Variants in CNTNAP2 observed in about 807,000 individuals in gnomAD.
The protein encoded by CNTNAP2 is contactin associated protein 2.
Under a neutral mutation model 155.2 loss-of-function variants are expected in CNTNAP2, and 98 were observed. The observed-to-expected ratio is 0.63, with a 90% CI of 0.54 to 0.75. The LOEUF (loss-of-function observed/expected upper bound fraction) is 0.75, where lower values mean the gene tolerates loss of function less well. CNTNAP2 is among the 30% of genes least tolerant of loss of function. The probability of loss-of-function intolerance (pLI) is 0.00; values close to 1 mark genes in which losing one functional copy is unlikely to be tolerated. For synonymous variants in CNTNAP2, 651 were observed against 631.2 expected (o/e 1.03, Z -0.47); for missense variants, 1,727 against 1,688.1 (o/e 1.02, Z -0.40).
rs566120896 is a variant in CNTNAP2, at chr7:147,265,403, T to C, written c.1349-34738T>C. On this transcript the variant is annotated intron_variant, in intron 8 of 23. Coordinates refer to ENST00000361727, the MANE Select transcript of CNTNAP2 (RefSeq NM_014141.6). Reference sequence around the variant, plus strand: ...CAGCTGTGGAAGATCGTGGCCCAACTGCCTCTTTAGGACAGACTCTGACCC... The same window carrying C: ...CAGCTGTGGAAGATCGTGGCCCAACCGCCTCTTTAGGACAGACTCTGACCC... 1.3e-3 allele frequency among the ~76,000 whole-genome samples: 198 copies of C among 152,202 alleles called. 2 individuals are homozygous for C. The highest frequency in any genetic ancestry group is 7.8e-4 in the Non-Finnish European group (53 of 68,006).
chr7:148,073,629 CTTA>C (rs1475684376), intron 15 of CNTNAP2, among the ~76,000 whole-genome samples: 1 of 152,146 alleles, frequency 6.6e-6, no homozygotes, highest in Non-Finnish European at 1.5e-5. Flanking sequence ...ATTGTTCTAT[CTTA>C]TTAGTTACTG....
intron 1 of CNTNAP2, among the ~76,000 whole-genome samples, chr7:146,381,544 A>T (rs1795389659): frequency 6.6e-6 from 1 of 152,138 alleles, no homozygotes; most frequent in South Asian, 2.1e-4. Context: ...TTTATGGGGA[A>T]CTAAATGAGT....
intron 15 of CNTNAP2, among the ~76,000 whole-genome samples, chr7:148,043,912 T>C (rs1052379075): frequency 6.6e-6 from 1 of 152,218 alleles, no homozygotes; most frequent in African/African-American, 2.4e-5. Flanking sequence ...AGTTTTATTG[T>C]GCCTGCCCCT....
chr7:148,049,758 G>A (rs894345926), intron 15 of CNTNAP2, among the ~76,000 whole-genome samples: 8 of 152,296 alleles, frequency 5.3e-5, no homozygotes, highest in South Asian at 2.1e-4. Context: ...ATTATGTACA[G>A]TAATACTTGA....
intron 10 of CNTNAP2, among the ~76,000 whole-genome samples, chr7:147,419,479 C>T (rs138370736): frequency 6.6e-6 from 1 of 152,284 alleles, no homozygotes; most frequent in East Asian, 1.9e-4. Flanking sequence ...CTATGTTCTA[C>T]ATCACATCAT....
chr7:146,481,184 G>C (rs532738187), intron 1 of CNTNAP2, among the ~76,000 whole-genome samples: 4 of 152,142 alleles, frequency 2.6e-5, no homozygotes, highest in Admixed American at 2.0e-4. Context: ...AGCTCATTTG[G>C]TATATCTCCC....
chr7:148,229,904 C>T, intron 20 of CNTNAP2, 125 bp downstream of exon 20: 4 of 1,057,552 alleles, frequency 3.8e-6, no homozygotes, highest in Non-Finnish European at 5.6e-6. Context: ...ACACTTTCTC[C>T]TACAAGTGCA....
chr7:147,402,967 A>AAAC (rs34833135), intron 10 of CNTNAP2, among the ~76,000 whole-genome samples: 23,962 of 145,728 alleles, frequency 0.16, 2,558 homozygotes, highest in Non-Finnish European at 0.24. Context: ...AAAAAAAAAA[A>AAAC]AAAACTAGTT....
chr7:146,222,155 A>T (rs533941524), intron 1 of CNTNAP2, among the ~76,000 whole-genome samples: 1 of 152,344 alleles, frequency 6.6e-6, no homozygotes, highest in Admixed American at 6.5e-5. Flanking sequence ...TTACTAAGTC[A>T]TTCATTCTAG....
intron 8 of CNTNAP2, among the ~76,000 whole-genome samples, chr7:147,151,155 G>A (rs1489891933): frequency 1.3e-5 from 2 of 152,196 alleles, no homozygotes; most frequent in East Asian, 3.8e-4. Context: ...GGATATGTGA[G>A]AGTATCCAAG....
chr7:147,553,050 C>A lies in CNTNAP2; in HGVS notation c.1778-9088C>A, dbSNP rs149909651. 3.1e-4 allele frequency among the ~76,000 whole-genome samples: 47 copies of A among 152,290 alleles called. No homozygotes were observed. In the South Asian group the frequency reaches 7.0e-3, roughly 23 times the overall value. On this transcript the variant is annotated intron_variant, in intron 11 of 23. Transcript: ENST00000361727. ...GCCAACAATGACAATGTCTACTAAA[C>A]TCCTAGAGAATGAGAACGTAGTGAA...
intron 1 of CNTNAP2, among the ~76,000 whole-genome samples, chr7:146,480,687 C>CTTTA (rs1796946709): frequency 1.7e-5 from 2 of 121,186 alleles, no homozygotes; most frequent in Admixed American, 1.7e-4. Flanking sequence ...TTTTTTTTTC[C>CTTTA]TTTTTTTTTT....
chr7:148,137,294 T>A (rs1455358774), intron 16 of CNTNAP2, among the ~76,000 whole-genome samples: 3 of 152,328 alleles, frequency 2.0e-5, no homozygotes, highest in South Asian at 4.1e-4. Flanking sequence ...TGGTTATGCA[T>A]CTCTTGTGAC....
At chr7:148,039,616 A>C (rs1166498587) in intron 15 of CNTNAP2, among the ~76,000 whole-genome samples, 1 of 152,172 alleles carries the variant, frequency 6.6e-6, no homozygotes, top group African/African-American at 2.4e-5. Flanking sequence ...TAGGTTTTCC[A>C]ATCCTCCATC....
At chr7:146,423,723 T>A (rs1796047082) in intron 1 of CNTNAP2, among the ~76,000 whole-genome samples, 1 of 152,204 alleles carries the variant, frequency 6.6e-6, no homozygotes, top group Admixed American at 6.5e-5. Flanking sequence ...CCTTTACACT[T>A]AGCATTTATT....
chr7:147,728,121 G>A (rs937021877), intron 13 of CNTNAP2, among the ~76,000 whole-genome samples: 2 of 151,798 alleles, frequency 1.3e-5, no homozygotes, highest in Non-Finnish European at 2.9e-5. Context: ...TGCCATAGAC[G>A]ACTTTTCAGA....
intron 15 of CNTNAP2, among the ~76,000 whole-genome samples, chr7:148,038,083 A>C (rs1689324240): frequency 6.6e-6 from 1 of 152,198 alleles, no homozygotes; most frequent in African/African-American, 2.4e-5. Flanking sequence ...TGTTTTCATA[A>C]ACAAATAGAT....
chr7:148,081,943 G>C (rs1268861374), intron 15 of CNTNAP2, among the ~76,000 whole-genome samples: 2 of 152,074 alleles, frequency 1.3e-5, no homozygotes, highest in African/African-American at 4.8e-5. Flanking sequence ...TAAGCATAGA[G>C]AAGGGCATTG....
At chr7:146,458,024 G>T (rs1796582674) in intron 1 of CNTNAP2, among the ~76,000 whole-genome samples, 3 of 152,026 alleles carry the variant, frequency 2.0e-5, no homozygotes, top group African/African-American at 4.8e-5. Flanking sequence ...GGAGCTGGGG[G>T]TCATTATCCT....
Sources: allele counts gnomAD v4.1 joint callset (sites outside exome capture counted in the v4.1 genomes callset), GRCh38; gene constraint gnomAD v4.1.1; transcripts MANE v1.5; gene names NCBI Gene and HGNC (gene_info 2026-07-23, HGNC 2026-07-21).